PLXNA2: variants seen among roughly 807,000 people sequenced by gnomAD.
PLXNA2 encodes the protein plexin A2.
In PLXNA2, 91 loss-of-function variants were observed where a neutral mutation model predicts 193.5. That is an observed-to-expected ratio of 0.47 (90% confidence interval 0.40 to 0.56). PLXNA2 has a LOEUF of 0.56. Ranked by LOEUF, PLXNA2 falls within the 20% of genes least tolerant of loss-of-function variation. The pLI is 0.00. For missense variants in PLXNA2, 1,995 were observed against 2,503.2 expected (o/e 0.80, Z 4.33); for synonymous variants, 997 against 1,027.3 (o/e 0.97, Z 0.56).
At position 208,217,788 on chromosome 1, in the gene PLXNA2, A is replaced by G. The variant is rs754067861; in HGVS notation, c.135T>C (p.Asn45=). The G allele has an allele frequency of 6.2e-7, 1 of 1,614,066 alleles. No individual in the cohort carries two copies. The highest frequency in any genetic ancestry group is 1.1e-5 in the South Asian group (1 of 91,062). Reference sequence around the variant, plus strand: ...TCAAGTGGTTGAAGGTCCAGTCACGATTCTCAGAGTGGAAGGTGCTGAACT... The same window carrying G: ...TCAAGTGGTTGAAGGTCCAGTCACGGTTCTCAGAGTGGAAGGTGCTGAACT... ...MPQFSTFHSE[N]RDWTFNHLTV... Residue 45 remains asparagine (N), a synonymous_variant, in exon 2 of 32, where the codon AAT becomes AAC. Coordinates refer to ENST00000367033, the MANE Select transcript of PLXNA2 (RefSeq NM_025179.4). This position sits in a 1 kb window ranked among gnomAD's most constrained non-coding sequence, Gnocchi z 4.7.
chr1:208,206,705 G>A (rs1670737762), intron 3 of PLXNA2, among the ~76,000 whole-genome samples: 1 of 149,992 alleles, frequency 6.7e-6, no homozygotes, highest in South Asian at 2.1e-4. Context: ...GTGAATCTTT[G>A]CATGTCTTCT....
chr1:208,046,184 G>T (rs1033874562), intron 17 of PLXNA2, 67 bp from the exon 18 acceptor site: 3 of 1,527,746 alleles, frequency 2.0e-6, no homozygotes, highest in Non-Finnish European at 2.7e-6. Flanking sequence ...GCCCACAGCC[G>T]CTCTCCCACC....
intron 26 of PLXNA2, among the ~76,000 whole-genome samples, chr1:208,035,392 A>C (rs1342601530): frequency 6.6e-6 from 1 of 152,130 alleles, no homozygotes; most frequent in Non-Finnish European, 1.5e-5. Flanking sequence ...GGGTCCTATA[A>C]TGCCTGGATC....
intron 12 of PLXNA2, among the ~76,000 whole-genome samples, chr1:208,079,050 G>T (rs577086624): frequency 1.3e-5 from 2 of 152,194 alleles, no homozygotes; most frequent in Admixed American, 1.3e-4. Flanking sequence ...ACATTCATGC[G>T]CAGGCATGAG....
In PLXNA2 at chr1:208,073,766, TAA is replaced by T. The variant is rs199497854; in HGVS notation, c.2586+5492_2586+5493del. On this transcript the variant is annotated intron_variant, in intron 12 of 31. Coordinates refer to ENST00000367033, the MANE Select transcript of PLXNA2 (RefSeq NM_025179.4). ...AATCCAATATGACAGGGTCTTTATT[TAA>T]AAAAAAAAAATAGGGAGACAGACAC... Among the ~76,000 whole-genome samples, 375 of 146,316 alleles carry T rather than the reference TAA, an allele frequency of 2.6e-3. 8 individuals carry two copies. Among genetic ancestry groups the T allele is most frequent in the Admixed American group, 0.019 (284 of 14,672 alleles).
intron 1 of PLXNA2, among the ~76,000 whole-genome samples, chr1:208,232,609 G>A (rs562524487): frequency 6.6e-6 from 1 of 152,258 alleles, no homozygotes; most frequent in East Asian, 1.9e-4. Context: ...AGCTGCTTCC[G>A]TCCCGTTTAT....
At chr1:208,040,183 G>C (rs1664821791) in intron 22 of PLXNA2, 125 bp from the exon 23 acceptor site, 2 of 739,152 alleles carry the variant, frequency 2.7e-6, no homozygotes, top group Non-Finnish European at 4.7e-6. Context: ...CGGGAGTCAG[G>C]ACACCTGGGT....
At chr1:208,074,702 C>T (rs897740391) in intron 12 of PLXNA2, among the ~76,000 whole-genome samples, 2 of 152,212 alleles carry the variant, frequency 1.3e-5, no homozygotes, top group Non-Finnish European at 2.9e-5. Context: ...TATTTCTCTG[C>T]TGTCCCAGGA....
chr1:208,101,433 T>A (rs1213324394), intron 5 of PLXNA2, among the ~76,000 whole-genome samples: 1 of 152,130 alleles, frequency 6.6e-6, no homozygotes, highest in Non-Finnish European at 1.5e-5. Flanking sequence ...AACCTCTGGG[T>A]ATAAACAGCA....
intron 3 of PLXNA2, among the ~76,000 whole-genome samples, chr1:208,156,021 T>C (rs1453685907): frequency 6.6e-6 from 1 of 152,190 alleles, no homozygotes; most frequent in Non-Finnish European, 1.5e-5. Context: ...CCTATGTGGC[T>C]GGTGAGGGAG....
chr1:208,237,563 A>G (rs1671905947), intron 1 of PLXNA2, among the ~76,000 whole-genome samples: 1 of 152,342 alleles, frequency 6.6e-6, no homozygotes, highest in Non-Finnish European at 1.5e-5. Context: ...TCCTCAGAGA[A>G]GAACGAGGGG....
chr1:208,174,199 C>T (rs1669586932), intron 3 of PLXNA2, among the ~76,000 whole-genome samples: 1 of 152,164 alleles, frequency 6.6e-6, no homozygotes, highest in South Asian at 2.1e-4. Context: ...ACTGGCAGAC[C>T]TCAGCTCCTG....
intron 12 of PLXNA2, among the ~76,000 whole-genome samples, chr1:208,073,792 A>T (rs1289368701): frequency 6.6e-6 from 1 of 152,110 alleles, no homozygotes; most frequent in Admixed American, 6.5e-5. Flanking sequence ...GGAGACAGAC[A>T]CACACACAGA....
intron 1 of PLXNA2, among the ~76,000 whole-genome samples, chr1:208,242,832 G>A (rs1399296097): frequency 6.6e-6 from 1 of 152,114 alleles, no homozygotes; most frequent in African/African-American, 2.4e-5. Flanking sequence ...ACTACCTGTG[G>A]GATGGATAAA....
At chr1:208,226,767 C>T (rs1671524501) in intron 1 of PLXNA2, among the ~76,000 whole-genome samples, 1 of 152,224 alleles carries the variant, frequency 6.6e-6, no homozygotes, top group Admixed American at 6.5e-5. Context: ...CAATTTCAAG[C>T]AGCTGCCTTC....
chr1:208,192,750 G>A (rs1213786331), intron 3 of PLXNA2, among the ~76,000 whole-genome samples: 2 of 152,110 alleles, frequency 1.3e-5, no homozygotes, highest in Non-Finnish European at 2.9e-5. Context: ...AGCCAGGCAT[G>A]GTGATGCATG....
chr1:208,102,769 C>T (rs565596273), intron 5 of PLXNA2, among the ~76,000 whole-genome samples: 1 of 152,364 alleles, frequency 6.6e-6, no homozygotes, highest in East Asian at 1.9e-4. Flanking sequence ...TGCCAGTGCA[C>T]CACCATCTGC....
intron 9 of PLXNA2, 71 bp from the exon 10 acceptor site, chr1:208,084,651 C>A: frequency 7.0e-7 from 1 of 1,436,002 alleles, no homozygotes; most frequent in Non-Finnish European, 9.6e-7. Context: ...GACAGGCAGG[C>A]CCCTCTTGTA....
chr1:208,188,107 C>T (rs1318200684), intron 3 of PLXNA2, among the ~76,000 whole-genome samples: 1 of 152,134 alleles, frequency 6.6e-6, no homozygotes, highest in African/African-American at 2.4e-5. Flanking sequence ...ATGGAGCCCC[C>T]AGATCACGTC....
Sources: gnomAD v4.1 joint callset for allele counts (sites outside exome capture counted in the v4.1 genomes callset) on GRCh38, gnomAD v4.1.1 for gene constraint, Gnocchi (gnomAD v3.1) non-coding constraint, MANE v1.5 for transcripts, NCBI Gene and HGNC (gene_info 2026-07-23, HGNC 2026-07-21) for gene names.